ATP8B1: variants seen among roughly 807,000 people sequenced by gnomAD.
ATP8B1 encodes ATPase phospholipid transporting 8B1.
A neutral mutation model predicts 149.9 loss-of-function variants in ATP8B1; 80 were observed. The ratio of observed to expected loss-of-function variants is 0.53; its 90% confidence interval spans 0.45 to 0.64. ATP8B1 has a LOEUF of 0.64. Ranked by LOEUF, ATP8B1 falls within the 30% of genes least tolerant of loss-of-function variation. The pLI is 0.00. For missense variants in ATP8B1, 1,247 were observed against 1,552.6 expected (o/e 0.80, Z 3.31); for synonymous variants, 536 against 562.8 (o/e 0.95, Z 0.67).
intron 1 of ATP8B1, among the ~76,000 whole-genome samples, chr18:57,756,305 A>ATATATATATATATATATATG (rs374550138): frequency 0.02 from 2,135 of 105,932 alleles, 117 homozygotes; most frequent in South Asian, 0.035. Flanking sequence ...GTGTATGTAT[A>ATATATATATATATATATATG]TATATATATA....
chr18:57,701,280 T>G lies in ATP8B1; in HGVS notation c.427A>C (p.Thr143Pro). 6.2e-7 allele frequency: 1 copy of G among 1,614,212 alleles called. No individual in the cohort carries two copies. The highest frequency in any genetic ancestry group is 8.5e-7 in the Non-Finnish European group (1 of 1,180,036). ...ACCACAAGCAGGGGCACTAGTGTGG[T>G]GTACCAAGCCAGGGTAGAGATTTGA... ...VPQISTLAWY[T>P]TLVPLLVVLG... is the part of the protein sequence containing the mutation. Residue 143 changes from threonine to proline, a missense_variant, in exon 5 of 28, where the codon ACC (threonine) becomes CCC (proline). Coordinates refer to ENST00000648908, the MANE Select transcript of ATP8B1 (RefSeq NM_001374385.1).
At chr18:57,705,765 CTGT>C (rs530171775) in intron 3 of ATP8B1, among the ~76,000 whole-genome samples, 2 of 152,222 alleles carry the variant, frequency 1.3e-5, no homozygotes, top group African/African-American at 2.4e-5. Context: ...GAGTAAACTT[CTGT>C]TGTTTTAAGC....
chr18:57,792,071 A>T (rs1032911442), intron 1 of ATP8B1, among the ~76,000 whole-genome samples: 1 of 152,198 alleles, frequency 6.6e-6, no homozygotes, highest in Non-Finnish European at 1.5e-5. Context: ...TGGACCATGT[A>T]ATCAATTGTG....
intron 1 of ATP8B1, among the ~76,000 whole-genome samples, chr18:57,790,299 T>TGCCCCCACCCCCATCCCCC (rs1254978697): frequency 6.6e-6 from 1 of 151,048 alleles, no homozygotes; most frequent in African/African-American, 2.4e-5. Flanking sequence ...CCTCATTCCC[T>TGCCCCCACCCCCATCCCCC]GCCCCCACCC....
At chr18:57,691,190 A>G (rs1912509421) in intron 12 of ATP8B1, among the ~76,000 whole-genome samples, 1 of 152,054 alleles carries the variant, frequency 6.6e-6, no homozygotes, top group Non-Finnish European at 1.5e-5. Flanking sequence ...AAAAAAAAAA[A>G]AAAAGTAAAA....
intron 1 of ATP8B1, among the ~76,000 whole-genome samples, chr18:57,759,433 C>T (rs1200117627): frequency 1.3e-5 from 2 of 152,034 alleles, no homozygotes; most frequent in Non-Finnish European, 2.9e-5. Context: ...AGTAAATATT[C>T]ATTGAGAATT....
At chr18:57,672,931 T>TATATAAAA (rs1301236712) in intron 16 of ATP8B1, among the ~76,000 whole-genome samples, 4 of 33,194 alleles carry the variant, frequency 1.2e-4, no homozygotes, top group African/African-American at 5.6e-4. Context: ...TATATATATA[T>TATATAAAA]AACATGTATA....
At chr18:57,800,847 AGAAAGAG>A (rs1421165874) in intron 1 of ATP8B1, among the ~76,000 whole-genome samples, 2 of 152,218 alleles carry the variant, frequency 1.3e-5, no homozygotes, top group African/African-American at 4.8e-5. Context: ...AGGATGGAAA[AGAAAGAG>A]GAAAGAGGAA....
chr18:57,661,676 T>TACACATAC lies in ATP8B1; in HGVS notation c.2419-215_2419-214insGTATGTGT, dbSNP rs1555688754. ...ACATATATGTATGTGTGTATGTATATACACACACACACACACACACATATA... is the reference window on the plus strand; with the variant it reads ...ACATATATGTATGTGTGTATGTATATACACATACACACACACACACACACACACATATA... On this transcript the variant is annotated intron_variant, in intron 21 of 27. Coordinates refer to ENST00000648908, the MANE Select transcript of ATP8B1 (RefSeq NM_001374385.1). Among the ~76,000 whole-genome samples the TACACATAC allele has an allele frequency of 1.9e-4, 20 of 104,626 alleles. No individual in the cohort carries two copies. The East Asian group carries it at 3.3e-3, about 17-fold the overall frequency. 68.6% of individuals were successfully genotyped at this position (104,626 alleles called of 152,430 possible). A position where few individuals can be genotyped will look rare whatever the true frequency, so the allele number is the denominator to read the frequency against.
intron 21 of ATP8B1, among the ~76,000 whole-genome samples, chr18:57,661,791 T>G (rs1910463711): frequency 6.7e-6 from 1 of 149,104 alleles, no homozygotes; most frequent in Non-Finnish European, 1.5e-5. Flanking sequence ...CTCGGCTCAC[T>G]GTAACCTCTG....
chr18:57,702,994 C>G (rs186760685), intron 4 of ATP8B1, among the ~76,000 whole-genome samples: 86 of 152,312 alleles, frequency 5.6e-4, no homozygotes, highest in African/African-American at 2.0e-3. Flanking sequence ...TGGTCTACTT[C>G]CTACAGAGCA....
At chr18:57,706,262 A>G (rs942381512) in intron 3 of ATP8B1, among the ~76,000 whole-genome samples, 3 of 152,166 alleles carry the variant, frequency 2.0e-5, no homozygotes, top group African/African-American at 7.2e-5. Context: ...TTTAAAAAAG[A>G]GAGAGAAAAT....
At chr18:57,775,398 GA>G (rs763054656) in intron 1 of ATP8B1, among the ~76,000 whole-genome samples, 10 of 151,528 alleles carry the variant, frequency 6.6e-5, no homozygotes, top group Admixed American at 1.3e-4. Flanking sequence ...GGAGGAAGGA[GA>G]GGGGCGGAAT....
intron 2 of ATP8B1, among the ~76,000 whole-genome samples, chr18:57,719,930 C>T (rs1409466436): frequency 6.6e-6 from 1 of 152,170 alleles, no homozygotes; most frequent in Non-Finnish European, 1.5e-5. Context: ...TCAAGTGGGT[C>T]CCTGACCCCT....
intron 1 of ATP8B1, among the ~76,000 whole-genome samples, chr18:57,743,264 C>G (rs189370917): frequency 3.8e-4 from 58 of 152,190 alleles, no homozygotes; most frequent in African/African-American, 1.3e-3. Context: ...GTGAACGCAT[C>G]GTAGATTCAG....
In ATP8B1 at chr18:57,728,123, T is replaced by G. The variant is rs1599161869; in HGVS notation, c.181+3504A>C. Reference sequence around the variant, plus strand: ...GCACTTGTTTAACAGGAAAGCTTAGTTGGGCTAGAGGATTTCCTTTCTTTA... The same window carrying G: ...GCACTTGTTTAACAGGAAAGCTTAGGTGGGCTAGAGGATTTCCTTTCTTTA... On this transcript the variant is annotated intron_variant, in intron 2 of 27. Coordinates refer to ENST00000648908, the MANE Select transcript of ATP8B1 (RefSeq NM_001374385.1). Among the ~76,000 whole-genome samples the G allele has an allele frequency of 2.0e-5, 3 of 151,684 alleles. No homozygotes were observed. The South Asian group carries it at 6.2e-4, about 31-fold the overall frequency.
At chr18:57,671,871 C>T (rs886774787) in intron 16 of ATP8B1, among the ~76,000 whole-genome samples, 1 of 152,162 alleles carries the variant, frequency 6.6e-6, no homozygotes, top group Non-Finnish European at 1.5e-5. Flanking sequence ...ATCCTCCTGC[C>T]TCAGCCTCCC....
chr18:57,744,208 G>A (rs2079943608), intron 1 of ATP8B1, among the ~76,000 whole-genome samples: 1 of 151,456 alleles, frequency 6.6e-6, no homozygotes, highest in Non-Finnish European at 1.5e-5. Context: ...CCAGCTACTT[G>A]GGAGGCTGAG....
intron 2 of ATP8B1, among the ~76,000 whole-genome samples, chr18:57,709,939 C>G (rs1913608130): frequency 1.3e-5 from 2 of 152,024 alleles, no homozygotes; most frequent in East Asian, 3.9e-4. Flanking sequence ...CTCGACCTCC[C>G]AAAGTGCTGG....
Sources: allele counts gnomAD v4.1 joint callset (sites outside exome capture counted in the v4.1 genomes callset), GRCh38; gene constraint gnomAD v4.1.1; transcripts MANE v1.5; gene names NCBI Gene and HGNC (gene_info 2026-07-23, HGNC 2026-07-21).